Variants in AFM observed in about 807,000 individuals in gnomAD.
AFM encodes the protein afamin.
AFM carries 82 observed loss-of-function variants against 68.7 expected under a neutral mutation model. The ratio of observed to expected loss-of-function variants is 1.19; its 90% confidence interval spans 1.00 to 1.43. The LOEUF (loss-of-function observed/expected upper bound fraction) is 1.43, where lower values mean the gene tolerates loss of function less well. AFM is among the 40% of genes most tolerant of loss of function. The pLI, the probability that AFM is intolerant of heterozygous loss-of-function variation, is 0.00. For missense variants in AFM, 772 were observed against 701.8 expected (o/e 1.10, Z -1.13); for synonymous variants, 250 against 234.2 (o/e 1.07, Z -0.61).
Position 73,495,384 on chromosome 4 carries a change from G to T in AFM, c.1143G>T (p.Leu381=). The change falls in exon 9 of 15, where the codon CTG becomes CTT. Residue 381 remains leucine, a synonymous_variant. Transcript: ENST00000226355. ...LRIVQIYKDL[L]RNCCNTENPP... is the part of the protein sequence containing the mutation. ...TTGTTCAAATATACAAAGATCTCCTGAGAAATTGCTGCAACACAGAAAACC... is the reference window on the plus strand; with the variant it reads ...TTGTTCAAATATACAAAGATCTCCTTAGAAATTGCTGCAACACAGAAAACC... 1 of 1,613,430 alleles carries T rather than the reference G, an allele frequency of 6.2e-7. No homozygotes were observed. The highest frequency in any genetic ancestry group is 8.5e-7 in the Non-Finnish European group (1 of 1,179,750).
rs187695449 is a variant in AFM at position 73,486,191 on chromosome 4, C to T, written c.482+118C>T. 8,163 of 843,950 alleles carry T rather than the reference C, an allele frequency of 9.7e-3. 70 individuals are homozygous for T. Among genetic ancestry groups the T allele is most frequent in the Admixed American group, 0.027 (1,022 of 38,330 alleles). 52.3% of individuals were successfully genotyped at this position (843,950 alleles called of 1,614,324 possible). ...TAATTTATTGATTAATTGTTTCATT[C>T]ATTCAAAACATACTGTGTGTCAGAT... is the stretch of plus-strand genomic sequence containing the variant. On this transcript the variant is annotated intron_variant, in intron 4 of 14. Transcript: ENST00000226355.
intron 13 of AFM, 29 bp from the exon 14 acceptor site, chr4:73,503,021 T>G (rs1411597112): frequency 6.2e-7 from 1 of 1,610,088 alleles, no homozygotes; most frequent in Non-Finnish European, 8.5e-7. Context: ...TTTCTTCCTA[T>G]GTGTTTTTAT....
In AFM at chr4:73,501,878, T is replaced by G. The variant is rs757078588; in HGVS notation, c.1738T>G (p.Cys580Gly). 9.9e-6 allele frequency: 16 copies of G among 1,613,446 alleles called. No homozygotes were observed. The Admixed American group carries it at 1.8e-4, about 19-fold the overall frequency. The stretch of plus-strand genomic sequence containing the variant: ...AAATTTCGCAAATGTAGTGGATAAG[T>G]GCTGCAAAGCAGAGAGTCCTGAAGT... ...FTNFANVVDK[C>G]CKAESPEVCF... The change falls in exon 13 of 15, where the codon TGC (cysteine) becomes GGC (glycine). Residue 580 changes from cysteine to glycine, a missense_variant. Coordinates refer to ENST00000226355, the MANE Select transcript of AFM (RefSeq NM_001133.2).
At chr4:73,487,490 C>T (rs550217725) in intron 5 of AFM, among the ~76,000 whole-genome samples, 1 of 152,294 alleles carries the variant, frequency 6.6e-6, no homozygotes, top group East Asian at 1.9e-4. Context: ...ACCAAGGGAG[C>T]ACTTATGCAC....
Position 73,497,675 on chromosome 4 carries a change from T to C in AFM, c.1215T>C (p.Thr405=). Residue 405 remains threonine, a synonymous_variant, in exon 10 of 15, where the codon ACT becomes ACC. Transcript: ENST00000226355. ...RYAEDKFNET[T]EKSLKMVQQE... is the part of the protein sequence containing the mutation. ...AGGAAGACAAATTCAATGAGACAAC[T>C]GAGAAAAGCCTCAAGATGGTACAAC... 6.2e-7 allele frequency: 1 copy of C among 1,607,300 alleles called. No homozygotes were observed. The highest frequency in any genetic ancestry group is 8.5e-7 in the Non-Finnish European group (1 of 1,176,880).
chr4:73,485,798 C>G (rs1328680806), intron 3 of AFM, 64 bp from the exon 4 acceptor site: 1 of 1,313,814 alleles, frequency 7.6e-7, no homozygotes, highest in African/African-American at 1.5e-5. Context: ...TGTGTTTTCT[C>G]AGTGAGTACA....
At chr4:73,482,346 G>C (rs913993665) in intron 1 of AFM, among the ~76,000 whole-genome samples, 4 of 152,228 alleles carry the variant, frequency 2.6e-5, no homozygotes, top group African/African-American at 9.6e-5. Flanking sequence ...CAGTCTGTAG[G>C]AAGGGATGAC....
chr4:73,503,111 G>T lies in AFM; in HGVS notation c.*40+1G>T. The T allele has an allele frequency of 6.2e-7, 1 of 1,605,888 alleles. No homozygotes were observed. Among genetic ancestry groups the T allele is most frequent in the Non-Finnish European group, 8.5e-7 (1 of 1,172,946 alleles). Reference sequence around the variant, plus strand: ...ATATGTAAAGAAAAAAGCACCAAAGGTAATACCCTCTGCCTCATTCAAATG... The same window carrying T: ...ATATGTAAAGAAAAAAGCACCAAAGTTAATACCCTCTGCCTCATTCAAATG... On this transcript the variant is annotated splice_donor_variant, in intron 14 of 14. Coordinates refer to ENST00000226355, the MANE Select transcript of AFM (RefSeq NM_001133.2). LOFTEE classifies it low-confidence loss of function (3UTR_SPLICE).
At chr4:73,486,094 A>G in intron 4 of AFM, 21 bp downstream of exon 4, 1 of 1,588,916 alleles carries the variant, frequency 6.3e-7, no homozygotes, top group Non-Finnish European at 8.6e-7. Context: ...TCTTAGTAAA[A>G]AATGATCCAG....
Position 73,484,292 on chromosome 4 carries a change from G to T in AFM, c.172G>T (p.Ala58Ser). Residue 58 changes from alanine (A) to serine (S), a missense_variant, in exon 3 of 15, where the codon GCA (alanine) becomes TCA (serine). By Grantham distance (99) the Ala-to-Ser change is moderately conservative. Coordinates refer to ENST00000226355, the MANE Select transcript of AFM (RefSeq NM_001133.2). ...IIAFAQYVQE[A>S]TFEEMEKLVK... ...TGCATTTGCTCAGTATGTTCAGGAA[G>T]CAACCTTTGAAGAAATGGAAAAGCT... The T allele has an allele frequency of 6.2e-7, 1 of 1,613,362 alleles. No homozygotes were observed. Among genetic ancestry groups the T allele is most frequent in the Non-Finnish European group, 8.5e-7 (1 of 1,179,736 alleles).
Position 73,500,206 on chromosome 4 carries a change from A to G in AFM, c.1625A>G (p.Glu542Gly), listed in dbSNP as rs765438883. The G allele has an allele frequency of 6.8e-6, 11 of 1,612,888 alleles. No individual in the cohort carries two copies. The East Asian group carries it at 2.5e-4, about 36-fold the overall frequency. The change falls in exon 12 of 15, where the codon GAG becomes GGG. Residue 542 changes from glutamate to glycine, a missense_variant. By Grantham distance (98) the Glu-to-Gly change is moderately conservative. Transcript: ENST00000226355. The stretch of plus-strand genomic sequence containing the variant: ...GACATGTGTCAATCTCAGAATGAGG[A>G]GCTTCAGAGGAAGACAGACAGGTAC... ...HADMCQSQNEELQRKTDRFLV... is the reference protein window; with the variant it reads ...HADMCQSQNEGLQRKTDRFLV...
At chr4:73,503,263 T>A (rs1410891959) in intron 14 of AFM, among the ~76,000 whole-genome samples, 153 bp downstream of exon 14, 3 of 152,182 alleles carry the variant, frequency 2.0e-5, no homozygotes, top group African/African-American at 7.2e-5. Context: ...ATTGTTCCTG[T>A]GTTTTTCTGG....
chr4:73,484,171 C>T (rs779902115), intron 2 of AFM, 87 bp from the exon 3 acceptor site: 3 of 1,480,454 alleles, frequency 2.0e-6, no homozygotes, highest in Non-Finnish European at 2.7e-6. Flanking sequence ...TTTCCTGAGG[C>T]TAGTCAGGAT....
Position 73,500,048 on chromosome 4 carries a change from A to G in AFM, c.1467A>G (p.Arg489=). The G allele has an allele frequency of 1.2e-6, 2 of 1,614,054 alleles. No individual in the cohort carries two copies. The highest frequency in any genetic ancestry group is 1.7e-6 in the Non-Finnish European group (2 of 1,179,936). Residue 489 remains arginine (R), a synonymous_variant, in exon 12 of 15, where the codon CGA becomes CGG. Coordinates refer to ENST00000226355, the MANE Select transcript of AFM (RefSeq NM_001133.2). ...AGTTATGTGGAGTAAATGAAAATCG[A>G]ACTATCAACCCTGCTGTGGACCACT... ...FGELCGVNEN[R]TINPAVDHCC...
At position 73,486,013 on chromosome 4, in the gene AFM, C is replaced by A. The variant is rs768247166; in HGVS notation, c.422C>A (p.Thr141Asn). 6.2e-7 allele frequency: 1 copy of A among 1,614,044 alleles called. No individual in the cohort carries two copies. The highest frequency in any genetic ancestry group is 8.5e-7 in the Non-Finnish European group (1 of 1,179,956). ...SDVGFLPPFP[T>N]LDPEEKCQAY... ...GTGGGATTTCTGCCTCCTTTCCCTACCCTGGATCCCGAAGAGAAATGCCAG... is the reference window on the plus strand; with the variant it reads ...GTGGGATTTCTGCCTCCTTTCCCTAACCTGGATCCCGAAGAGAAATGCCAG... Residue 141 changes from threonine (T) to asparagine (N), a missense_variant, in exon 4 of 15, where the codon ACC (threonine) becomes AAC (asparagine). Physicochemically the swap from Thr to Asn is moderately conservative, Grantham distance 65. Transcript: ENST00000226355.
Position 73,488,720 on chromosome 4 carries a change from A to T in AFM, c.804A>T (p.Gly268=), listed in dbSNP as rs555634203. Residue 268 remains glycine, a synonymous_variant, in exon 7 of 15, where the codon GGA becomes GGT. Transcript: ENST00000226355. Reference sequence around the variant, plus strand: ...AAGATGTTTCTTCCAACTATGATGGATGCTGTGAAGGGGATGTTGTGCAGT... The same window carrying T: ...AAGATGTTTCTTCCAACTATGATGGTTGCTGTGAAGGGGATGTTGTGCAGT... The part of the protein sequence containing the change: ...LVEDVSSNYD[G]CCEGDVVQCI... 2.5e-6 allele frequency: 4 copies of T among 1,613,376 alleles called. No homozygotes were observed. The Admixed American group carries it at 6.7e-5, about 27-fold the overall frequency.
chr4:73,487,199 A>G (rs2071098), intron 5 of AFM, 100 bp downstream of exon 5: 310,195 of 1,278,002 alleles, frequency 0.24, 39,270 homozygotes, highest in Admixed American at 0.33. Flanking sequence ...CTTACCATAT[A>G]TGATGTTCTC....
At chr4:73,490,555 G>T (rs973445852) in intron 7 of AFM, among the ~76,000 whole-genome samples, 1 of 152,096 alleles carries the variant, frequency 6.6e-6, no homozygotes, top group Non-Finnish European at 1.5e-5. Context: ...GAGTAGCTGG[G>T]ACTACAGGTG....
At chr4:73,491,108 C>T (rs1289091771) in intron 7 of AFM, among the ~76,000 whole-genome samples, 1 of 152,128 alleles carries the variant, frequency 6.6e-6, no homozygotes, top group African/African-American at 2.4e-5. Flanking sequence ...AATGTGCAGT[C>T]TCATTCTAGA....
Sources: gnomAD v4.1 joint callset for allele counts (sites outside exome capture counted in the v4.1 genomes callset) on GRCh38, gnomAD v4.1.1 for gene constraint, MANE v1.5 for transcripts, NCBI Gene and HGNC (gene_info 2026-07-23, HGNC 2026-07-21) for gene names.